The following PCDHGB5 variants were observed in gnomAD, a reference collection of about 807,000 sequenced individuals.
PCDHGB5 encodes protocadherin gamma subfamily B, 5.
PCDHGB5 carries 48 observed loss-of-function variants against 62.9 expected under a neutral mutation model. The ratio of observed to expected loss-of-function variants is 0.76; its 90% CI spans 0.61 to 0.97. The LOEUF (loss-of-function observed/expected upper bound fraction) is 0.97, where lower values mean the gene tolerates loss of function less well. Ranked by LOEUF, PCDHGB5 falls within the 50% of genes least tolerant of loss-of-function variation. The probability of loss-of-function intolerance (pLI) is 0.00; values close to 1 mark genes in which losing one functional copy is unlikely to be tolerated. For synonymous variants in PCDHGB5, 474 were observed against 511.2 expected (o/e 0.93, Z 0.98); for missense variants, 1,118 against 1,198.6 (o/e 0.93, Z 0.99).
rs757308340 is a variant in PCDHGB5, at chr5:141,487,575, G to A, written c.2398-7232G>A. ...GCACCTATGGCAGGGGAGCCTGTTC[G>A]CCCAAGCTGCCCACCCTCTGATCTT... On this transcript the variant is annotated intron_variant, in intron 1 of 3. Coordinates refer to ENST00000617380, the MANE Select transcript of PCDHGB5 (RefSeq NM_018925.3). This position sits in a 1 kb window ranked among gnomAD's most constrained non-coding sequence, Gnocchi z 5.0. The A allele has an allele frequency of 3.1e-6, 5 of 1,614,018 alleles. No homozygotes were observed. In the African/African-American group the frequency reaches 4.0e-5, roughly 13 times the overall value.
rs377701820 is a variant in PCDHGB5 at position 141,422,031 on chromosome 5, G to A, written c.2397+21507G>A. On this transcript the variant is annotated intron_variant, in intron 1 of 3. Coordinates refer to ENST00000617380, the MANE Select transcript of PCDHGB5 (RefSeq NM_018925.3). ...CTCGGGTGCTGATGGTTAATGCAAC[G>A]GATCCAGACGAGGGAATCAACGGGG... 127 of 1,610,494 alleles carry A rather than the reference G, an allele frequency of 7.9e-5. No individual in the cohort carries two copies. In the East Asian group the frequency reaches 2.4e-3, roughly 31 times the overall value.
At chr5:141,408,455 C>A in intron 1 of PCDHGB5, 1 of 1,614,050 alleles carries the variant, frequency 6.2e-7, no homozygotes, top group South Asian at 1.1e-5. Flanking sequence ...CGGGGACTTA[C>A]TTGTGAAGAA....
chr5:141,419,177 C>T (rs1223789288), intron 1 of PCDHGB5: 8 of 1,613,862 alleles, frequency 5.0e-6, no homozygotes, highest in Admixed American at 1.7e-5. Flanking sequence ...AACCATAACC[C>T]TGCACATTAC....
Position 141,491,883 on chromosome 5 carries a change from G to T in PCDHGB5, c.2398-2924G>T. On this transcript the variant is annotated intron_variant, in intron 1 of 3. Transcript: ENST00000617380. The surrounding 1 kb of genome is among the most constrained non-coding windows in gnomAD (Gnocchi z 6.9). The stretch of plus-strand genomic sequence containing the variant: ...AAACCAGAGTGGCCGATTAAGGGAT[G>T]GGGCTCCGAGCACCGGGGGTGGTGG... 1 of 1,446,756 alleles carries T rather than the reference G, an allele frequency of 6.9e-7. No individual in the cohort carries two copies. Among genetic ancestry groups the T allele is most frequent in the South Asian group, 1.5e-5 (1 of 67,644 alleles). 89.6% of individuals were successfully genotyped at this position (1,446,756 alleles called of 1,614,324 possible). A position where few individuals can be genotyped will look rare whatever the true frequency, so the allele number is the denominator to read the frequency against.
chr5:141,415,110 C>G (rs1490074484), intron 1 of PCDHGB5: 2 of 1,613,548 alleles, frequency 1.2e-6, no homozygotes, highest in East Asian at 2.2e-5. Flanking sequence ...TCAAGCAAAG[C>G]CTCGTAGTGG....
intron 1 of PCDHGB5, among the ~76,000 whole-genome samples, chr5:141,480,272 G>T (rs903112862): frequency 7.2e-6 from 1 of 138,796 alleles, no homozygotes; most frequent in Non-Finnish European, 1.5e-5. Flanking sequence ...TTCATTAGCT[G>T]GGTGTGTTGG....
At chr5:141,406,436 T>C (rs1207276044) in intron 1 of PCDHGB5, among the ~76,000 whole-genome samples, 3 of 152,234 alleles carry the variant, frequency 2.0e-5, no homozygotes, top group Non-Finnish European at 4.4e-5. Context: ...TTGCTTCTAT[T>C]CTTCCATTTC....
intron 1 of PCDHGB5, chr5:141,426,833 G>T: frequency 2.2e-6 from 1 of 456,680 alleles, no homozygotes; most frequent in Non-Finnish European, 4.4e-6. Flanking sequence ...TGATGGACAA[G>T]ACTAAAGGCA....
intron 1 of PCDHGB5, chr5:141,404,795 G>A (rs769293241): frequency 5.0e-6 from 8 of 1,613,924 alleles, no homozygotes; most frequent in Admixed American, 1.7e-5. Flanking sequence ...CAGTGAGCCA[G>A]GGCTCTTCTC....
chr5:141,415,482 G>C, intron 1 of PCDHGB5: 1 of 1,614,218 alleles, frequency 6.2e-7, no homozygotes, highest in Non-Finnish European at 8.5e-7. Context: ...ACTCGCGAAA[G>C]AGTCACCTGA....
At chr5:141,426,693 A>G (rs62378458) in intron 1 of PCDHGB5, 1 of 435,784 alleles carries the variant, frequency 2.3e-6, no homozygotes, top group African/African-American at 2.0e-5. Flanking sequence ...CCAAAATAGC[A>G]TTGTTTTACA....
intron 1 of PCDHGB5, chr5:141,428,464 G>A (rs904800167): frequency 1.1e-4 from 37 of 344,652 alleles, no homozygotes; most frequent in African/African-American, 6.3e-4. Context: ...CTACAATGAG[G>A]GAACTTTGCT....
At position 141,404,686 on chromosome 5, in the gene PCDHGB5, A is replaced by G. The variant is rs1281158377; in HGVS notation, c.2397+4162A>G. On this transcript the variant is annotated intron_variant, in intron 1 of 3. Transcript: ENST00000617380. ...ATGGTTCTACTGGTGTGGAGCTGGC[A>G]CCCCGCTCTGCAGAGCCTGGCTACC... 4 of 1,613,710 alleles carry G rather than the reference A, an allele frequency of 2.5e-6. No individual in the cohort carries two copies. In the African/African-American group the frequency reaches 5.3e-5, roughly 22 times the overall value.
At chr5:141,403,612 G>A (rs1314297922) in intron 1 of PCDHGB5, 1 of 1,613,854 alleles carries the variant, frequency 6.2e-7, no homozygotes, top group Non-Finnish European at 8.5e-7. Flanking sequence ...GCGGCGAGCC[G>A]CGTCGCTCCA....
chr5:141,472,750 C>T (rs967243815), intron 1 of PCDHGB5, among the ~76,000 whole-genome samples: 3 of 151,882 alleles, frequency 2.0e-5, no homozygotes, highest in Non-Finnish European at 2.9e-5. Context: ...CTTTGGGAGG[C>T]GGAGGCTGGC....
intron 1 of PCDHGB5, among the ~76,000 whole-genome samples, chr5:141,429,903 T>C (rs1276564046): frequency 2.0e-5 from 3 of 152,252 alleles, no homozygotes; most frequent in African/African-American, 7.2e-5. Flanking sequence ...TAAATATTTT[T>C]GAAATATAAT....
intron 1 of PCDHGB5, chr5:141,428,156 C>A: frequency 6.3e-7 from 1 of 1,579,884 alleles, no homozygotes; most frequent in Non-Finnish European, 8.6e-7. Context: ...CGGGAACCTG[C>A]TGGTTGCTGT....
intron 1 of PCDHGB5, chr5:141,423,809 GT>G (rs1484832928): frequency 7.9e-7 from 1 of 1,259,912 alleles, no homozygotes; most frequent in African/African-American, 1.6e-5. Context: ...ATACATGTGA[GT>G]TTTACTTTGC....
In PCDHGB5 at chr5:141,399,489, A is replaced by G. The variant is rs764497801; in HGVS notation, c.1362A>G (p.Leu454=). The part of the protein sequence containing the change: ...NAPVFHQASY[L]VSVPENNPPG... ...CGGTTTTCCACCAGGCGTCCTACTTAGTCAGTGTACCCGAAAACAACCCTC... is the reference window on the plus strand; with the variant it reads ...CGGTTTTCCACCAGGCGTCCTACTTGGTCAGTGTACCCGAAAACAACCCTC... Residue 454 remains leucine, a synonymous_variant, in exon 1 of 4, where the codon TTA becomes TTG. Transcript: ENST00000617380. The G allele has an allele frequency of 2.5e-6, 4 of 1,614,008 alleles. No individual in the cohort carries two copies. The highest frequency in any genetic ancestry group is 1.1e-5 in the South Asian group (1 of 91,086).
Sources: gnomAD v4.1 joint callset for allele counts (sites outside exome capture counted in the v4.1 genomes callset) on GRCh38, gnomAD v4.1.1 for gene constraint, Gnocchi (gnomAD v3.1) non-coding constraint, MANE v1.5 for transcripts, NCBI Gene and HGNC (gene_info 2026-07-23, HGNC 2026-07-21) for gene names.